Variants in REXO5 observed in about 807,000 individuals in gnomAD.
The protein encoded by REXO5 is RNA exonuclease 5.
In REXO5, 48 loss-of-function variants were observed where a neutral mutation model predicts 88.5. The ratio of observed to expected loss-of-function variants is 0.54; its 90% CI spans 0.43 to 0.69. REXO5 has a LOEUF of 0.69. Ranked by LOEUF, REXO5 falls within the 30% of genes least tolerant of loss-of-function variation. The pLI is 0.00. For synonymous variants in REXO5, 311 were observed against 336.5 expected (o/e 0.92, Z 0.83); for missense variants, 749 against 912.2 (o/e 0.82, Z 2.30).
At chr16:20,817,182 C>T (rs2081093939) in intron 5 of REXO5, among the ~76,000 whole-genome samples, 2 of 152,178 alleles carry the variant, frequency 1.3e-5, no homozygotes, top group African/African-American at 2.4e-5. Context: ...GATTTCTTAT[C>T]TCCTCTAGAA....
intron 5 of REXO5, among the ~76,000 whole-genome samples, chr16:20,820,553 T>G (rs1231883552): frequency 1.8e-5 from 1 of 55,804 alleles, no homozygotes; most frequent in African/African-American, 6.6e-5. Context: ...TATTTTTTTT[T>G]TTTTTTTTTT....
intron 10 of REXO5, among the ~76,000 whole-genome samples, chr16:20,827,912 C>CACCT: frequency 6.6e-6 from 1 of 152,206 alleles, no homozygotes; most frequent in East Asian, 1.9e-4. Context: ...GTGATATGAA[C>CACCT]ACCTCTCTAA....
chr16:20,827,146 G>T lies in REXO5; in HGVS notation c.910G>T (p.Asp304Tyr). ...GCAGTTAAAAGCACTGCTTCCTCCT[G>T]ATGCTGTGTTAGTGGGCCACTCCTT... is the stretch of plus-strand genomic sequence containing the variant. ...QRQLKALLPP[D>Y]AVLVGHSLDL... The change falls in exon 9 of 20, where the codon GAT becomes TAT. Residue 304 changes from aspartate to tyrosine, a missense_variant. By Grantham distance (160) the Asp-to-Tyr change is radical. Coordinates refer to ENST00000261377, the MANE Select transcript of REXO5 (RefSeq NM_030941.3). The T allele has an allele frequency of 6.2e-7, 1 of 1,614,090 alleles. No homozygotes were observed. The highest frequency in any genetic ancestry group is 8.5e-7 in the Non-Finnish European group (1 of 1,179,990).
chr16:20,806,495 G>T, upstream of REXO5: 1 of 1,546,434 alleles, frequency 6.5e-7, no homozygotes, highest in Non-Finnish European at 8.7e-7. Context: ...CTTCCGGTCC[G>T]TTCAAAAAGC....
At chr16:20,808,508 C>T (rs2080945944) in intron 2 of REXO5, among the ~76,000 whole-genome samples, 1 of 151,650 alleles carries the variant, frequency 6.6e-6, no homozygotes, top group Admixed American at 6.6e-5. Context: ...GCTTGGGGTA[C>T]ATCAGTGAAT....
intron 2 of REXO5, 39 bp downstream of exon 2, chr16:20,807,130 T>C: frequency 6.4e-7 from 1 of 1,571,660 alleles, no homozygotes; most frequent in African/African-American, 1.3e-5. Context: ...CCCTAGGCGG[T>C]TTGGAGCTCC....
chr16:20,836,196 G>C (rs766249209), intron 13 of REXO5, among the ~76,000 whole-genome samples: 1 of 152,156 alleles, frequency 6.6e-6, no homozygotes, highest in African/African-American at 2.4e-5. Flanking sequence ...TTACGTTAGG[G>C]TTCTGTCTTG....
chr16:20,813,830 G>A (rs2081040656), intron 3 of REXO5, among the ~76,000 whole-genome samples: 1 of 152,112 alleles, frequency 6.6e-6, no homozygotes, highest in South Asian at 2.1e-4. Context: ...AGGCCAAGGT[G>A]TGAGGATCAC....
intron 14 of REXO5, 118 bp from the exon 15 acceptor site, chr16:20,840,213 C>T (rs2081505086): frequency 1.8e-5 from 15 of 851,078 alleles, no homozygotes; most frequent in Non-Finnish European, 2.6e-5. Context: ...CATCCTTGGA[C>T]ATTTGGCAAG....
chr16:20,817,765 C>T (rs985578503), intron 5 of REXO5, among the ~76,000 whole-genome samples: 8 of 152,282 alleles, frequency 5.3e-5, no homozygotes, highest in African/African-American at 1.4e-4. Flanking sequence ...GTCTTTCCTT[C>T]GGAGCATTCA....
chr16:20,840,249 G>T, intron 14 of REXO5, 82 bp from the exon 15 acceptor site: 1 of 1,233,934 alleles, frequency 8.1e-7, no homozygotes, highest in South Asian at 2.1e-5. Context: ...AATCTTTGGT[G>T]AATAATCCCA....
chr16:20,811,442 A>C (rs766468283), intron 2 of REXO5, among the ~76,000 whole-genome samples: 1 of 152,228 alleles, frequency 6.6e-6, no homozygotes. Flanking sequence ...TTTCAGATAT[A>C]TTATAAATTT....
At chr16:20,840,705 T>C (rs1036391151) in intron 15 of REXO5, among the ~76,000 whole-genome samples, 6 of 152,132 alleles carry the variant, frequency 3.9e-5, no homozygotes, top group African/African-American at 1.4e-4. Context: ...CAGTGGCCTA[T>C]ACCTGTAATC....
chr16:20,832,816 G>A (rs988249376), intron 12 of REXO5, among the ~76,000 whole-genome samples, 187 bp from the exon 13 acceptor site: 21 of 152,248 alleles, frequency 1.4e-4, no homozygotes, highest in Admixed American at 2.0e-4. Flanking sequence ...GTGCTATCTC[G>A]TTTGGTAGCT....
intron 16 of REXO5, 102 bp from the exon 17 acceptor site, chr16:20,844,527 C>T (rs2081577544): frequency 1.0e-6 from 1 of 989,520 alleles, no homozygotes. Flanking sequence ...TTTTAGGAAA[C>T]TGAAAAATGA....
rs35337424 is a variant in REXO5, at chr16:20,819,447, CTT to C, written c.476-2297_476-2296del. ...CTTTCTTTTCTTTCTTTCTTTCCTCCTTTTTTTTTTTTTTTTTTTAAATTTAG... is the reference window on the plus strand; with the variant it reads ...CTTTCTTTTCTTTCTTTCTTTCCTCCTTTTTTTTTTTTTTTTTAAATTTAG... On this transcript the variant is annotated intron_variant, in intron 5 of 19. Coordinates refer to ENST00000261377, the MANE Select transcript of REXO5 (RefSeq NM_030941.3). Among the ~76,000 whole-genome samples the C allele has an allele frequency of 1.6e-3, 195 of 123,418 alleles. No homozygotes were observed. The Middle Eastern group carries it at 0.017, about 11-fold the overall frequency. 81.0% of individuals were successfully genotyped at this position (123,418 alleles called of 152,430 possible).
At chr16:20,838,314 C>G (rs1407133756) in intron 13 of REXO5, among the ~76,000 whole-genome samples, 1 of 152,054 alleles carries the variant, frequency 6.6e-6, no homozygotes, top group Non-Finnish European at 1.5e-5. Flanking sequence ...TTTTTATGTA[C>G]ATAGTTCAGT....
Position 20,806,601 on chromosome 16 carries a change from A to T in REXO5, c.-107A>T, listed in dbSNP as rs894528024. ...TCTTCTCTTCTGCGTTTCCCGGGCT[A>T]GGGGGCGTGGGGAGTGGTTTTAGGC... On this transcript the variant is annotated 5_prime_UTR_variant, in exon 1 of 20. Transcript: ENST00000261377. 3.5e-6 allele frequency: 5 copies of T among 1,425,258 alleles called. No homozygotes were observed. The African/African-American group carries it at 7.2e-5, about 20-fold the overall frequency. The allele number at this position is 1,425,258 out of a possible 1,614,324, so 88.3% of individuals were successfully genotyped here. A position where few individuals can be genotyped will look rare whatever the true frequency, so the allele number is the denominator to read the frequency against.
chr16:20,813,490 A>G (rs1290375552), intron 3 of REXO5, among the ~76,000 whole-genome samples, 188 bp downstream of exon 3: 3 of 151,930 alleles, frequency 2.0e-5, no homozygotes, highest in Non-Finnish European at 4.4e-5. Context: ...GGAAATTCCT[A>G]TATAAAAATC....
Sources: gnomAD v4.1 joint callset for allele counts (sites outside exome capture counted in the v4.1 genomes callset) on GRCh38, gnomAD v4.1.1 for gene constraint, MANE v1.5 for transcripts, NCBI Gene and HGNC (gene_info 2026-07-23, HGNC 2026-07-21) for gene names.